The following FAT3 variants were observed in gnomAD, a reference collection of about 807,000 sequenced individuals.
FAT3 encodes the protein protocadherin Fat 3.
Under a neutral mutation model 310.2 loss-of-function variants are expected in FAT3, and 95 were observed. The observed-to-expected ratio is 0.31, with a 90% confidence interval of 0.26 to 0.36. The LOEUF (loss-of-function observed/expected upper bound fraction) is 0.36, where lower values mean the gene tolerates loss of function less well. FAT3 is among the 10% of genes least tolerant of loss of function. The probability of loss-of-function intolerance (pLI) is 1.00; values close to 1 mark genes in which losing one functional copy is unlikely to be tolerated. For synonymous variants in FAT3, 2,314 were observed against 2,192.9 expected, an observed-to-expected ratio of 1.06 and a Z score of -1.54; for missense variants, 5,408 against 5,715.6, an observed-to-expected ratio of 0.95 and a Z score of 1.74.
At chr11:92,874,137 AT>A (rs377241656) in intron 22 of FAT3, among the ~76,000 whole-genome samples, 16 of 151,434 alleles carry the variant, frequency 1.1e-4, no homozygotes, top group African/African-American at 3.6e-4. Flanking sequence ...AAGAAAAAAA[AT>A]CAATTTTTTA....
At chr11:92,734,985 T>C (rs892695718) in intron 4 of FAT3, among the ~76,000 whole-genome samples, 3 of 151,930 alleles carry the variant, frequency 2.0e-5, no homozygotes, top group African/African-American at 4.8e-5. Flanking sequence ...GAAGAGAGGA[T>C]AGATTTTAGA....
At chr11:92,330,168 A>G (rs1291362690) in intron 1 of FAT3, among the ~76,000 whole-genome samples, 1 of 152,216 alleles carries the variant, frequency 6.6e-6, no homozygotes, top group African/African-American at 2.4e-5. Context: ...ACATTGAAAG[A>G]TGATAATGTG....
intron 7 of FAT3, among the ~76,000 whole-genome samples, chr11:92,781,269 A>T (rs1283870609): frequency 6.6e-6 from 1 of 151,378 alleles, no homozygotes. Flanking sequence ...TTTAGTAGAG[A>T]TGGGATTATC....
At chr11:92,537,027 C>T (rs1289469675) in intron 3 of FAT3, among the ~76,000 whole-genome samples, 1 of 152,154 alleles carries the variant, frequency 6.6e-6, no homozygotes, top group African/African-American at 2.4e-5. Context: ...GTTTGAGCAA[C>T]AATAAAACCA....
At chr11:92,785,028 T>C (rs1358760396) in intron 7 of FAT3, among the ~76,000 whole-genome samples, 4 of 151,724 alleles carry the variant, frequency 2.6e-5, no homozygotes, top group Non-Finnish European at 4.4e-5. Flanking sequence ...TACCCAAAAC[T>C]TTACTGGCAC....
intron 3 of FAT3, among the ~76,000 whole-genome samples, chr11:92,636,645 C>T (rs1384368253): frequency 1.3e-5 from 2 of 152,186 alleles, no homozygotes; most frequent in East Asian, 3.9e-4. Flanking sequence ...AGATTCATGA[C>T]AGCTATTGGG....
At chr11:92,244,716 CTTACGGT>C (rs1864825871) in intron 1 of FAT3, among the ~76,000 whole-genome samples, 1 of 152,034 alleles carries the variant, frequency 6.6e-6, no homozygotes, top group African/African-American at 2.4e-5. Flanking sequence ...ATTTAGTAGG[CTTACGGT>C]GGGGCTTAAA....
At chr11:92,787,467 C>T (rs2136149258) in intron 7 of FAT3, among the ~76,000 whole-genome samples, 1 of 149,806 alleles carries the variant, frequency 6.7e-6, no homozygotes, top group South Asian at 2.1e-4. Flanking sequence ...TAGTTGGTGG[C>T]ACATCTACAC....
chr11:92,556,615 C>T (rs533199), intron 3 of FAT3, among the ~76,000 whole-genome samples: 59,337 of 151,980 alleles, frequency 0.39, 12,298 homozygotes, highest in Middle Eastern at 0.53. Flanking sequence ...ACACTGAGCG[C>T]GGTACTCTCC....
At chr11:92,412,672 AAAGAGT>A (rs1295025965) in intron 2 of FAT3, among the ~76,000 whole-genome samples, 2 of 125,512 alleles carry the variant, frequency 1.6e-5, no homozygotes, top group African/African-American at 2.7e-5. Flanking sequence ...TTTTCTCAAC[AAAGAGT>A]AAAAGTCCAA....
intron 3 of FAT3, among the ~76,000 whole-genome samples, chr11:92,540,914 G>A (rs577637583): frequency 5.3e-5 from 8 of 152,004 alleles, no homozygotes; most frequent in Non-Finnish European, 1.0e-4. Context: ...TTCTTCTGGT[G>A]CATTTTTCTA....
At chr11:92,718,754 A>G (rs1050711707) in intron 4 of FAT3, among the ~76,000 whole-genome samples, 1 of 152,162 alleles carries the variant, frequency 6.6e-6, no homozygotes, top group African/African-American at 2.4e-5. Context: ...TGATCAGTAA[A>G]TATATATGAA....
chr11:92,263,959 G>C (rs1448845664), intron 1 of FAT3, among the ~76,000 whole-genome samples: 1 of 152,078 alleles, frequency 6.6e-6, no homozygotes, highest in Non-Finnish European at 1.5e-5. Context: ...GCTCTGAGAA[G>C]TGCTATAAAG....
At chr11:92,651,084 A>G (rs1261475858) in intron 3 of FAT3, among the ~76,000 whole-genome samples, 1 of 152,202 alleles carries the variant, frequency 6.6e-6, no homozygotes, top group African/African-American at 2.4e-5. Context: ...GTTTGTGGAT[A>G]TACTTAACAA....
chr11:92,253,929 C>T (rs1159794118), intron 1 of FAT3, among the ~76,000 whole-genome samples: 2 of 152,142 alleles, frequency 1.3e-5, no homozygotes, highest in African/African-American at 4.8e-5. Flanking sequence ...ATTTGATTCA[C>T]TTGGATGTGG....
intron 5 of FAT3, among the ~76,000 whole-genome samples, chr11:92,762,818 C>T: frequency 6.6e-6 from 1 of 152,112 alleles, no homozygotes; most frequent in Non-Finnish European, 1.5e-5. Context: ...CCAGGTAGTA[C>T]CTATTCCAGA....
At chr11:92,426,256 G>A (rs1950630516) in intron 2 of FAT3, among the ~76,000 whole-genome samples, 1 of 152,040 alleles carries the variant, frequency 6.6e-6, no homozygotes, top group African/African-American at 2.4e-5. Flanking sequence ...ATTTGTTTAA[G>A]TTCCTTGTAG....
chr11:92,478,784 T>C lies in FAT3; in HGVS notation c.3293-45850T>C, dbSNP rs942844832. ...GGTTCCCACCACCACACTTGGCTACTAAAAATTTTTTGTATTTTTAGTAGA... is the reference window on the plus strand; with the variant it reads ...GGTTCCCACCACCACACTTGGCTACCAAAAATTTTTTGTATTTTTAGTAGA... On this transcript the variant is annotated intron_variant, in intron 2 of 27. Transcript: ENST00000525166. Among the ~76,000 whole-genome samples the C allele has an allele frequency of 2.0e-5, 3 of 151,894 alleles. No homozygotes were observed. The East Asian group carries it at 5.8e-4, about 29-fold the overall frequency.
At chr11:92,742,614 G>T (rs982541420) in intron 4 of FAT3, among the ~76,000 whole-genome samples, 1 of 152,128 alleles carries the variant, frequency 6.6e-6, no homozygotes, top group Non-Finnish European at 1.5e-5. Context: ...TCTCAGGAGT[G>T]GGTTCTGGAT....
Sources: allele counts gnomAD v4.1 joint callset (sites outside exome capture counted in the v4.1 genomes callset), GRCh38; gene constraint gnomAD v4.1.1; transcripts MANE v1.5; gene names NCBI Gene and HGNC (gene_info 2026-07-23, HGNC 2026-07-21).